The following MAPK8IP3 variants were observed in gnomAD, a reference collection of about 807,000 sequenced individuals.
MAPK8IP3 encodes the protein mitogen-activated protein kinase 8 interacting protein 3, also known as C-Jun-amino-terminal kinase-interacting protein 3.
In MAPK8IP3, 49 loss-of-function variants were observed where a neutral mutation model predicts 157.8. The ratio of observed to expected loss-of-function variants is 0.31; its 90% confidence interval spans 0.25 to 0.39. The LOEUF (loss-of-function observed/expected upper bound fraction) is 0.39. MAPK8IP3 is among the 10% of genes least tolerant of loss of function. The pLI, the probability that MAPK8IP3 is intolerant of heterozygous loss-of-function variation, is 1.00. For missense variants in MAPK8IP3, 1,478 were observed against 1,889.4 expected (o/e 0.78, Z 4.04); for synonymous variants, 897 against 777.7 (o/e 1.15, Z -2.55).
intron 8 of MAPK8IP3, among the ~76,000 whole-genome samples, chr16:1,753,302 T>C (rs2041401369): frequency 6.6e-6 from 1 of 152,176 alleles, no homozygotes; most frequent in South Asian, 2.1e-4. Flanking sequence ...TTGTTTCCTA[T>C]AGAGGTAGGC....
Position 1,743,529 on chromosome 16 carries a change from C to T in MAPK8IP3, c.747+53C>T, listed in dbSNP as rs1167304242. The T allele has an allele frequency of 1.3e-6, 2 of 1,584,754 alleles. No homozygotes were observed. The highest frequency in any genetic ancestry group is 1.7e-6 in the Non-Finnish European group (2 of 1,171,278). ...GGCTCCTCCCTGTTGCTGGTGTTCCCCGTTCACTGGGGCGGGAGCCTCGTC... is the reference window on the plus strand; with the variant it reads ...GGCTCCTCCCTGTTGCTGGTGTTCCTCGTTCACTGGGGCGGGAGCCTCGTC... On this transcript the variant is annotated intron_variant, in intron 5 of 31. Coordinates refer to ENST00000610761, the MANE Select transcript of MAPK8IP3 (RefSeq NM_001318852.2). The surrounding 1 kb of genome is among the most constrained non-coding windows in gnomAD (Gnocchi z 5.6).
At chr16:1,732,709 C>T (rs969668190) in intron 4 of MAPK8IP3, among the ~76,000 whole-genome samples, 25 of 150,944 alleles carry the variant, frequency 1.7e-4, no homozygotes, top group Non-Finnish European at 2.7e-4. Context: ...GCCAGCCATC[C>T]GCCCACCTGG....
intron 18 of MAPK8IP3, 41 bp downstream of exon 18, chr16:1,764,251 G>T: frequency 6.3e-7 from 1 of 1,596,638 alleles, no homozygotes; most frequent in Non-Finnish European, 8.5e-7. Flanking sequence ...CTGGGCGAGC[G>T]GGAGGCTGGG....
chr16:1,763,232 A>G (rs1377541093), intron 16 of MAPK8IP3, among the ~76,000 whole-genome samples: 1 of 152,200 alleles, frequency 6.6e-6, no homozygotes, highest in African/African-American at 2.4e-5. Flanking sequence ...GTCCCTTGGC[A>G]GAGGCTGTGC....
chr16:1,768,311 C>T lies in MAPK8IP3; in HGVS notation c.3675C>T (p.Ser1225=), dbSNP rs373706008. 6.2e-7 allele frequency: 1 copy of T among 1,609,652 alleles called. No homozygotes were observed. Residue 1225 remains serine, a synonymous_variant, in exon 30 of 32, where the codon TCC becomes TCT. Coordinates refer to ENST00000610761, the MANE Select transcript of MAPK8IP3 (RefSeq NM_001318852.2). ...RAASSFIPYC[S]MAQAQLCFHG... Reference sequence around the variant, plus strand: ...CCAGCAGCTTCATCCCCTACTGCTCCATGGCCCAGGCCCAGCTATGCTTCC... The same window carrying T: ...CCAGCAGCTTCATCCCCTACTGCTCTATGGCCCAGGCCCAGCTATGCTTCC...
chr16:1,754,391 C>T (rs975446164), intron 8 of MAPK8IP3, among the ~76,000 whole-genome samples: 2 of 152,154 alleles, frequency 1.3e-5, no homozygotes, highest in Admixed American at 1.3e-4. Context: ...CTGGAATCCA[C>T]GCAGCTGATC....
Position 1,768,817 on chromosome 16 carries a change from C to A in MAPK8IP3, c.4007C>A (p.Pro1336His), listed in dbSNP as rs781243993. 1 of 1,612,270 alleles carries A rather than the reference C, an allele frequency of 6.2e-7. No homozygotes were observed. The highest frequency in any genetic ancestry group is 8.5e-7 in the Non-Finnish European group (1 of 1,179,748). Residue 1336 changes from proline to histidine, a missense_variant, in exon 32 of 32, where the codon CCC becomes CAC. Physicochemically the swap from Pro to His is moderately conservative, Grantham distance 77 (BLOSUM62 -2). Coordinates refer to ENST00000610761, the MANE Select transcript of MAPK8IP3 (RefSeq NM_001318852.2). Reference sequence around the variant, plus strand: ...ATCGTGTGGCAGGTGTCCTACACCCCCGAGTGAAGCTGCTGCCCTGCCTGG... The same window carrying A: ...ATCGTGTGGCAGGTGTCCTACACCCACGAGTGAAGCTGCTGCCCTGCCTGG... ...HIIVWQVSYTPE is the reference protein window; with the variant it reads ...HIIVWQVSYTHE
chr16:1,737,259 C>T (rs573131609), intron 4 of MAPK8IP3, among the ~76,000 whole-genome samples: 6 of 88,586 alleles, frequency 6.8e-5, no homozygotes, highest in Middle Eastern at 8.6e-3. Flanking sequence ...TGTGAGCGTC[C>T]GTGTGAGCGT....
intron 2 of MAPK8IP3, among the ~76,000 whole-genome samples, chr16:1,728,238 C>CG (rs1262589737): frequency 2.6e-5 from 4 of 152,196 alleles, no homozygotes; most frequent in Non-Finnish European, 4.4e-5. Flanking sequence ...GTTGGTGTCA[C>CG]GGGGGGCCTC....
At chr16:1,716,513 T>C (rs1261977406) in intron 1 of MAPK8IP3, among the ~76,000 whole-genome samples, 1 of 151,680 alleles carries the variant, frequency 6.6e-6, no homozygotes, top group Non-Finnish European at 1.5e-5. Flanking sequence ...GTCAGGCTGG[T>C]CTCAAACTCC....
At chr16:1,759,869 T>A in intron 10 of MAPK8IP3, 89 bp from the exon 11 acceptor site, 1 of 1,173,288 alleles carries the variant, frequency 8.5e-7, no homozygotes, top group Non-Finnish European at 1.3e-6. Flanking sequence ...CTACCCTCTT[T>A]GGAAGCGTTG....
At chr16:1,764,268 C>G in intron 18 of MAPK8IP3, 33 bp from the exon 19 acceptor site, 2 of 1,590,110 alleles carry the variant, frequency 1.3e-6, no homozygotes, top group Non-Finnish European at 1.7e-6. Flanking sequence ...TGGGGAGTGC[C>G]GGTGACACCC....
chr16:1,749,079 AC>A (rs998300843), intron 8 of MAPK8IP3, among the ~76,000 whole-genome samples: 9 of 152,224 alleles, frequency 5.9e-5, no homozygotes, highest in African/African-American at 1.9e-4. Flanking sequence ...AAAAAAGTGT[AC>A]ACGTCAGTAC....
In MAPK8IP3 at chr16:1,766,189, G is replaced by A. The variant is rs201851616; in HGVS notation, c.2630-31G>A. On this transcript the variant is annotated intron_variant, in intron 21 of 31. Transcript: ENST00000610761. The stretch of plus-strand genomic sequence containing the variant: ...CCCATCCCCTCATTCCCACGTTTCT[G>A]CCCAGCCCAAGCTCACCTCTCCTAA... The A allele has an allele frequency of 7.0e-5, 112 of 1,602,698 alleles. No homozygotes were observed. In the Admixed American group the frequency reaches 1.1e-3, roughly 16 times the overall value.
At chr16:1,739,311 A>T (rs1321767511) in intron 4 of MAPK8IP3, among the ~76,000 whole-genome samples, 3 of 80,030 alleles carry the variant, frequency 3.7e-5, no homozygotes, top group African/African-American at 1.1e-4. Context: ...CGTCCGTGTG[A>T]GTGTGTGACC....
intron 2 of MAPK8IP3, among the ~76,000 whole-genome samples, chr16:1,728,771 C>T (rs2039082438): frequency 1.4e-5 from 2 of 147,354 alleles, no homozygotes; most frequent in African/African-American, 5.2e-5. Flanking sequence ...CTTCACAGAG[C>T]TGAGTGTTCT....
chr16:1,709,511 G>A (rs376871191), intron 1 of MAPK8IP3, among the ~76,000 whole-genome samples: 6 of 152,392 alleles, frequency 3.9e-5, no homozygotes, highest in Non-Finnish European at 2.9e-5. Flanking sequence ...AACCCTTGAC[G>A]GGTTCTCAGG....
intron 4 of MAPK8IP3, among the ~76,000 whole-genome samples, chr16:1,740,224 C>G (rs949043640): frequency 5.0e-5 from 7 of 140,852 alleles, no homozygotes; most frequent in Non-Finnish European, 1.1e-4. Context: ...TTCCGTGTGA[C>G]CGTCCGTGTG....
chr16:1,733,227 C>T (rs1326625916), intron 4 of MAPK8IP3, among the ~76,000 whole-genome samples: 3 of 152,062 alleles, frequency 2.0e-5, no homozygotes, highest in African/African-American at 7.2e-5. Flanking sequence ...GAGGCTGTGT[C>T]GGAGGGCGCC....
Sources: gnomAD v4.1 joint callset for allele counts (sites outside exome capture counted in the v4.1 genomes callset) on GRCh38, gnomAD v4.1.1 for gene constraint, Gnocchi (gnomAD v3.1) non-coding constraint, MANE v1.5 for transcripts, NCBI Gene and HGNC (gene_info 2026-07-23, HGNC 2026-07-21) for gene names.